SRSF11: variants seen among roughly 807,000 people sequenced by gnomAD.
SRSF11 encodes the protein serine and arginine rich splicing factor 11, also known as serine/arginine-rich splicing factor 11.
Under a neutral mutation model 56.0 loss-of-function variants are expected in SRSF11, and 9 were observed. That is an observed-to-expected ratio of 0.16 (90% CI 0.10 to 0.28). SRSF11 has a LOEUF of 0.28. Ranked by LOEUF, SRSF11 falls within the 10% of genes least tolerant of loss-of-function variation. The pLI is 1.00. For synonymous variants in SRSF11, 222 were observed against 215.3 expected, an observed-to-expected ratio of 1.03 and a Z score of -0.27; for missense variants, 421 against 600.7, an observed-to-expected ratio of 0.70 and a Z score of 3.13.
upstream of SRSF11, chr1:70,221,347 C>T: frequency 4.9e-6 from 2 of 412,062 alleles, no homozygotes; most frequent in Non-Finnish European, 8.6e-6. Context: ...ACGCGCCCTG[C>T]GCCGCAAAGC....
chr1:70,215,110 C>T (rs922314756), intron 1 of SRSF11, among the ~76,000 whole-genome samples: 1 of 151,902 alleles, frequency 6.6e-6, no homozygotes, highest in African/African-American at 2.4e-5. Context: ...TTTGGCCACG[C>T]TAGTCTTGAA....
At chr1:70,238,754 C>A (rs74088028) in intron 6 of SRSF11, among the ~76,000 whole-genome samples, 4,347 of 152,216 alleles carry the variant, frequency 0.029, 214 homozygotes, top group African/African-American at 0.1. Context: ...AAAGGGGACC[C>A]CTCATTTAGA....
chr1:70,239,086 T>G (rs1674738974), intron 6 of SRSF11, among the ~76,000 whole-genome samples: 3 of 152,142 alleles, frequency 2.0e-5, no homozygotes, highest in African/African-American at 7.2e-5. Flanking sequence ...ATTTGATGTG[T>G]TTTTTTGTTT....
chr1:70,238,847 T>C (rs1022076377), intron 6 of SRSF11, among the ~76,000 whole-genome samples: 2 of 152,282 alleles, frequency 1.3e-5, no homozygotes, highest in Non-Finnish European at 1.5e-5. Flanking sequence ...CTTCACAGCC[T>C]CTTAAGTCTG....
At chr1:70,209,297 G>C (rs1669326052) in intron 1 of SRSF11, among the ~76,000 whole-genome samples, 1 of 152,132 alleles carries the variant, frequency 6.6e-6, no homozygotes, top group Non-Finnish European at 1.5e-5. Flanking sequence ...GAGTTAATTT[G>C]GCAGATTTGC....
At chr1:70,241,258 T>C (rs1218139845) in intron 7 of SRSF11, among the ~76,000 whole-genome samples, 3 of 152,238 alleles carry the variant, frequency 2.0e-5, no homozygotes, top group East Asian at 3.8e-4. Context: ...CTAGACTTTG[T>C]CACGTCTCTA....
At chr1:70,230,175 C>T in intron 2 of SRSF11, 1 of 983,670 alleles carries the variant, frequency 1.0e-6, no homozygotes, top group African/African-American at 1.7e-5. Context: ...TAAATATTTT[C>T]AGGCCATAGT....
chr1:70,241,319 G>C (rs905245468), intron 7 of SRSF11, among the ~76,000 whole-genome samples: 6 of 152,120 alleles, frequency 3.9e-5, no homozygotes, highest in African/African-American at 1.4e-4. Context: ...TTCTGTCTCA[G>C]AGATGATCTT....
Position 70,221,508 on chromosome 1 carries a change from C to A in SRSF11, c.-129C>A. Reference sequence around the variant, plus strand: ...ACGGCGGCGGCGGCGGCGGCATCGGCAGCAGTAGCAGAGGCTGTAGCATCG... The same window carrying A: ...ACGGCGGCGGCGGCGGCGGCATCGGAAGCAGTAGCAGAGGCTGTAGCATCG... On this transcript the variant is annotated 5_prime_UTR_variant, in exon 1 of 12. Transcript: ENST00000370949. 1 of 1,280,816 alleles carries A rather than the reference C, an allele frequency of 7.8e-7. No homozygotes were observed. The highest frequency in any genetic ancestry group is 1.1e-6 in the Non-Finnish European group (1 of 946,192). The allele number at this position is 1,280,816 out of a possible 1,614,324, so 79.3% of individuals were successfully genotyped here. A position where few individuals can be genotyped will look rare whatever the true frequency, so the allele number is the denominator to read the frequency against.
rs908851330 is a variant in SRSF11 at position 70,250,890 on chromosome 1, C to G, written c.*85C>G. The G allele has an allele frequency of 2.5e-6, 3 of 1,214,362 alleles. No homozygotes were observed. Among genetic ancestry groups the G allele is most frequent in the Non-Finnish European group, 2.4e-6 (2 of 832,312 alleles). 75.2% of individuals were successfully genotyped at this position (1,214,362 alleles called of 1,614,324 possible). ...TTCTTAATGCTGTATTTGTTCATCT[C>G]AAACCTAGATGTATACAGCTCTGAG... is the stretch of plus-strand genomic sequence containing the variant. On this transcript the variant is annotated 3_prime_UTR_variant, in exon 12 of 12. Coordinates refer to ENST00000370949, the MANE Select transcript of SRSF11 (RefSeq NM_001350605.2).
chr1:70,233,387 A>G lies in SRSF11; in HGVS notation c.447+1010A>G, dbSNP rs528058882. ...CTCCCGAATAGCTAGGACTACAGGC[A>G]TGCCACCATGCCTGACTAATTTTTG... On this transcript the variant is annotated intron_variant, in intron 3 of 11. Coordinates refer to ENST00000370949, the MANE Select transcript of SRSF11 (RefSeq NM_001350605.2). Among the ~76,000 whole-genome samples, 4 of 152,002 alleles carry G rather than the reference A, an allele frequency of 2.6e-5. No homozygotes were observed. In the East Asian group the frequency reaches 5.8e-4, roughly 22 times the overall value.
intron 1 of SRSF11, among the ~76,000 whole-genome samples, chr1:70,227,937 A>T (rs1025164228): frequency 6.6e-6 from 1 of 152,158 alleles, no homozygotes; most frequent in African/African-American, 2.4e-5. Context: ...CAGGGCATGG[A>T]ACCTGTTTAT....
At chr1:70,205,898 CTCTCT>C (rs1468553431) in intron 1 of SRSF11, 1 of 174,134 alleles carries the variant, frequency 5.7e-6, no homozygotes. Flanking sequence ...AAAGAGAACC[CTCTCT>C]TCTCCCCTCT....
chr1:70,247,798 T>G (rs1160318962), intron 9 of SRSF11, among the ~76,000 whole-genome samples: 1 of 152,152 alleles, frequency 6.6e-6, no homozygotes, highest in Non-Finnish European at 1.5e-5. Context: ...ATATATTCTC[T>G]ATTAAGAACT....
intron 2 of SRSF11, chr1:70,230,310 A>G (rs775859966): frequency 2.9e-6 from 3 of 1,037,178 alleles, no homozygotes; most frequent in Non-Finnish European, 3.5e-6. Flanking sequence ...TGCTGTATTA[A>G]TGTTACCTCC....
At chr1:70,244,874 A>G in intron 8 of SRSF11, 59 bp downstream of exon 8, 2 of 1,523,098 alleles carry the variant, frequency 1.3e-6, no homozygotes, top group Non-Finnish European at 1.8e-6. Context: ...GTACTGTGCT[A>G]CTTAGTAACA....
chr1:70,234,655 T>G lies in SRSF11; in HGVS notation c.448-41T>G. Reference sequence around the variant, plus strand: ...AGTATTAACCCCTGGTATAAGGAACTGAAATGAAGTTTTAAATAAATAAAA... The same window carrying G: ...AGTATTAACCCCTGGTATAAGGAACGGAAATGAAGTTTTAAATAAATAAAA... On this transcript the variant is annotated intron_variant, in intron 3 of 11. Transcript: ENST00000370949. 5 of 1,525,170 alleles carry G rather than the reference T, an allele frequency of 3.3e-6. No individual in the cohort carries two copies. The South Asian group carries it at 6.1e-5, about 18-fold the overall frequency. The allele number at this position is 1,525,170 out of a possible 1,614,324, so 94.5% of individuals were successfully genotyped here.
chr1:70,211,682 GT>G (rs1047473842), intron 1 of SRSF11, among the ~76,000 whole-genome samples: 1 of 151,846 alleles, frequency 6.6e-6, no homozygotes, highest in Non-Finnish European at 1.5e-5. Context: ...CTTGAGGTTG[GT>G]TTTTTTCCAT....
At chr1:70,249,909 C>G in intron 9 of SRSF11, 43 bp from the exon 10 acceptor site, 1 of 1,580,230 alleles carries the variant, frequency 6.3e-7, no homozygotes, top group Non-Finnish European at 8.7e-7. Flanking sequence ...TTTTTAAGAT[C>G]ACACTGTATT....
Sources: allele counts gnomAD v4.1 joint callset (sites outside exome capture counted in the v4.1 genomes callset), GRCh38; gene constraint gnomAD v4.1.1; transcripts MANE v1.5; gene names NCBI Gene and HGNC (gene_info 2026-07-23, HGNC 2026-07-21).